Variants in GRIN2A observed in about 807,000 individuals in gnomAD.
The protein encoded by GRIN2A is glutamate ionotropic receptor NMDA type subunit 2A, also known as glutamate receptor ionotropic, NMDA 2A.
GRIN2A carries 22 observed loss-of-function variants against 113.4 expected under a neutral mutation model. The ratio of observed to expected loss-of-function variants is 0.19; its 90% confidence interval spans 0.14 to 0.28. The LOEUF (loss-of-function observed/expected upper bound fraction) is 0.28, where lower values mean the gene tolerates loss of function less well. Ranked by LOEUF, GRIN2A falls within the 10% of genes least tolerant of loss-of-function variation. The pLI is 1.00. For synonymous variants in GRIN2A, 827 were observed against 738.4 expected (o/e 1.12, Z -1.94); for missense variants, 1,502 against 1,887.0 (o/e 0.80, Z 3.78).
intron 2 of GRIN2A, among the ~76,000 whole-genome samples, chr16:10,067,390 AT>A (rs936163958): frequency 1.4e-5 from 2 of 140,048 alleles, no homozygotes; most frequent in Non-Finnish European, 2.9e-5. Flanking sequence ...GGTTTATCTC[AT>A]GCTGAACAAT....
chr16:10,099,134 T>C (rs1179069807), intron 2 of GRIN2A, among the ~76,000 whole-genome samples: 1 of 152,210 alleles, frequency 6.6e-6, no homozygotes, highest in Non-Finnish European at 1.5e-5. Context: ...CTTGTGCATC[T>C]GACCTATGAT....
At chr16:9,981,324 G>T (rs1035052103) in intron 2 of GRIN2A, among the ~76,000 whole-genome samples, 16 of 152,262 alleles carry the variant, frequency 1.1e-4, no homozygotes, top group African/African-American at 3.1e-4. Flanking sequence ...GCTTAGTTAT[G>T]ATCCCATTAG....
intron 2 of GRIN2A, among the ~76,000 whole-genome samples, chr16:10,090,594 T>C (rs1332564095): frequency 1.3e-5 from 2 of 151,532 alleles, no homozygotes; most frequent in Non-Finnish European, 2.9e-5. Context: ...AAAAAAAAAT[T>C]AGAGAAAACC....
chr16:9,777,867 C>T (rs572108840), intron 11 of GRIN2A, among the ~76,000 whole-genome samples: 4 of 152,266 alleles, frequency 2.6e-5, no homozygotes, highest in Non-Finnish European at 2.9e-5. Context: ...AGTTTGAGAC[C>T]GGCCTGGCCA....
intron 2 of GRIN2A, among the ~76,000 whole-genome samples, chr16:10,049,526 C>T (rs1182079087): frequency 6.6e-6 from 1 of 152,060 alleles, no homozygotes; most frequent in African/African-American, 2.4e-5. Flanking sequence ...TACAAGCACC[C>T]ACAACTACGC....
intron 2 of GRIN2A, among the ~76,000 whole-genome samples, chr16:10,013,445 A>G (rs2046546693): frequency 6.6e-6 from 1 of 152,180 alleles, no homozygotes; most frequent in Admixed American, 6.5e-5. Flanking sequence ...AAGCACAGCT[A>G]ATTTCTCTCT....
At chr16:10,043,122 T>C (rs933007646) in intron 2 of GRIN2A, among the ~76,000 whole-genome samples, 14 of 152,242 alleles carry the variant, frequency 9.2e-5, no homozygotes, top group Admixed American at 3.9e-4. Flanking sequence ...CTCTGCATTT[T>C]ACATTTGGTA....
intron 2 of GRIN2A, among the ~76,000 whole-genome samples, chr16:9,979,845 C>CTGTGTGTGTG (rs60999132): frequency 7.5e-6 from 1 of 133,504 alleles, no homozygotes; most frequent in South Asian, 2.6e-4. Flanking sequence ...GACTTATATT[C>CTGTGTGTGTG]TGTGTGTGTG....
chr16:9,920,988 T>C (rs1488763259), intron 3 of GRIN2A, among the ~76,000 whole-genome samples: 2 of 152,176 alleles, frequency 1.3e-5, no homozygotes, highest in African/African-American at 2.4e-5. Context: ...AGTTAATATG[T>C]ATGGGTCCTC....
intron 2 of GRIN2A, among the ~76,000 whole-genome samples, chr16:10,120,587 A>C (rs2048814084): frequency 6.6e-6 from 1 of 152,048 alleles, no homozygotes; most frequent in Non-Finnish European, 1.5e-5. Flanking sequence ...TCATTAAGGG[A>C]AAAATATACA....
intron 10 of GRIN2A, among the ~76,000 whole-genome samples, chr16:9,818,429 A>G (rs1418195981): frequency 1.3e-5 from 2 of 152,134 alleles, no homozygotes; most frequent in South Asian, 2.1e-4. Flanking sequence ...TTACGTCTCA[A>G]AATTCAACAG....
intron 2 of GRIN2A, chr16:10,037,178 A>T (rs146039056): frequency 7.9e-5 from 12 of 152,170 alleles, no homozygotes; most frequent in South Asian, 6.2e-4. Context: ...CTTATGCAAC[A>T]TGCTGACCTG....
intron 4 of GRIN2A, among the ~76,000 whole-genome samples, chr16:9,877,614 C>G (rs1171250529): frequency 1.6e-5 from 2 of 125,564 alleles, no homozygotes; most frequent in Non-Finnish European, 3.3e-5. Context: ...CCTTCTCTCT[C>G]CCCCTTCCTC....
At chr16:9,829,897 AAATGGTT>A (rs1157064974) in intron 8 of GRIN2A, among the ~76,000 whole-genome samples, 2 of 152,160 alleles carry the variant, frequency 1.3e-5, no homozygotes, top group African/African-American at 4.8e-5. Context: ...AAGGAAACGA[AAATGGTT>A]ATGCAAAATG....
At chr16:9,931,614 G>A (rs899410572) in intron 3 of GRIN2A, among the ~76,000 whole-genome samples, 1 of 152,216 alleles carries the variant, frequency 6.6e-6, no homozygotes, top group East Asian at 1.9e-4. Flanking sequence ...TTTCTCCCAA[G>A]GTAATCCTTT....
At chr16:10,073,204 C>T (rs2047795252) in intron 2 of GRIN2A, among the ~76,000 whole-genome samples, 1 of 152,060 alleles carries the variant, frequency 6.6e-6, no homozygotes, top group Admixed American at 6.6e-5. Flanking sequence ...GATTCACTTG[C>T]CTTGGCCTAC....
At chr16:9,850,545 G>C (rs1225321394) in intron 4 of GRIN2A, among the ~76,000 whole-genome samples, 1 of 152,154 alleles carries the variant, frequency 6.6e-6, no homozygotes, top group East Asian at 1.9e-4. Context: ...AAGGTGCTAA[G>C]ATGAAGGAAA....
At chr16:9,983,018 G>C (rs2045918570) in intron 2 of GRIN2A, among the ~76,000 whole-genome samples, 1 of 152,042 alleles carries the variant, frequency 6.6e-6, no homozygotes, top group Non-Finnish European at 1.5e-5. Context: ...ATATTTATGG[G>C]GTACGGTGTG....
At chr16:9,817,259 C>T (rs1308947973) in intron 10 of GRIN2A, among the ~76,000 whole-genome samples, 2 of 152,122 alleles carry the variant, frequency 1.3e-5, no homozygotes, top group African/African-American at 2.4e-5. Context: ...ACTTCTAAAA[C>T]AGTAGTTCTC....
Sources: gnomAD v4.1 joint callset for allele counts (sites outside exome capture counted in the v4.1 genomes callset) on GRCh38, gnomAD v4.1.1 for gene constraint, MANE v1.5 for transcripts, NCBI Gene and HGNC (gene_info 2026-07-23, HGNC 2026-07-21) for gene names.